The following IGSF5 variants were observed in gnomAD, a reference collection of about 807,000 sequenced individuals.
IGSF5 encodes immunoglobulin superfamily 5 like.
Under a neutral mutation model 39.4 loss-of-function variants are expected in IGSF5, and 41 were observed. The ratio of observed to expected loss-of-function variants is 1.04; its 90% CI spans 0.81 to 1.35. The LOEUF (loss-of-function observed/expected upper bound fraction) is 1.35, where lower values mean the gene tolerates loss of function less well. Among genes scored for constraint, IGSF5 ranks in the 40% most tolerant of loss-of-function variants. The pLI is 0.00. For missense variants in IGSF5, 487 were observed against 494.6 expected, an observed-to-expected ratio of 0.98 and a Z score of 0.15; for synonymous variants, 183 against 175.3, an observed-to-expected ratio of 1.04 and a Z score of -0.34.
intron 3 of IGSF5, among the ~76,000 whole-genome samples, chr21:39,766,889 T>C (rs1418376325): frequency 6.6e-6 from 1 of 152,200 alleles, no homozygotes; most frequent in East Asian, 1.9e-4. Flanking sequence ...AAAGATTTTG[T>C]TCATATTTAT....
the IGSF5 span, among the ~76,000 whole-genome samples, chr21:39,722,028 G>A: frequency 1.3e-5 from 2 of 152,230 alleles, no homozygotes; most frequent in Non-Finnish European, 2.9e-5. Context: ...CAATATGTGA[G>A]TGAGTAGGCA....
At chr21:39,736,703 G>A in the IGSF5 span, among the ~76,000 whole-genome samples, 2 of 152,208 alleles carry the variant, frequency 1.3e-5, no homozygotes, top group Non-Finnish European at 2.9e-5. Flanking sequence ...TGGAACTTCC[G>A]AGAGTGGCTA....
intron 2 of IGSF5, among the ~76,000 whole-genome samples, chr21:39,748,209 A>T (rs2079985107): frequency 6.9e-6 from 1 of 144,662 alleles, no homozygotes; most frequent in African/African-American, 2.5e-5. Flanking sequence ...CGTCTTGGTG[A>T]GGGCTCTCTT....
At chr21:39,723,550 T>G in the IGSF5 span, among the ~76,000 whole-genome samples, 2 of 152,192 alleles carry the variant, frequency 1.3e-5, no homozygotes, top group African/African-American at 4.8e-5. Context: ...TGAGACCATC[T>G]GAGAGTTTGC....
At chr21:39,783,177 A>G (rs1202648968) in intron 5 of IGSF5, among the ~76,000 whole-genome samples, 1 of 152,224 alleles carries the variant, frequency 6.6e-6, no homozygotes, top group Non-Finnish European at 1.5e-5. Context: ...TAGTGCTGCA[A>G]TAAATGTGGG....
At chr21:39,786,914 C>A (rs1467410512) in intron 5 of IGSF5, among the ~76,000 whole-genome samples, 1 of 151,386 alleles carries the variant, frequency 6.6e-6, no homozygotes, top group Non-Finnish European at 1.5e-5. Flanking sequence ...ACAATGAGAA[C>A]ACATGGATAC....
intron 4 of IGSF5, among the ~76,000 whole-genome samples, chr21:39,776,845 G>A (rs1205214584): frequency 6.6e-6 from 1 of 152,170 alleles, no homozygotes; most frequent in African/African-American, 2.4e-5. Flanking sequence ...CTTAAATCTT[G>A]AGCCAGACCT....
At chr21:39,783,483 C>T (rs1490640569) in intron 5 of IGSF5, among the ~76,000 whole-genome samples, 1 of 152,040 alleles carries the variant, frequency 6.6e-6, no homozygotes, top group Non-Finnish European at 1.5e-5. Flanking sequence ...AATGTTTTTT[C>T]ATACATTTGT....
chr21:39,739,090 T>C, the IGSF5 span, among the ~76,000 whole-genome samples: 121 of 152,176 alleles, frequency 8.0e-4, 2 homozygotes, highest in South Asian at 0.024. Flanking sequence ...CCGCCACGCC[T>C]GGCTAATTTT....
chr21:39,765,660 ATGG>A lies in IGSF5; in HGVS notation c.232_234del (p.Val78del). ...GCTCATCATGTGGGCTCTCAGTGACATGGTGGTGCTAAGCGTCAGGCCCATGGA... is the reference window on the plus strand; with the variant it reads ...GCTCATCATGTGGGCTCTCAGTGACATGGTGCTAAGCGTCAGGCCCATGGA... On this transcript the variant is annotated inframe_deletion, in exon 3 of 9. Coordinates refer to ENST00000380588, the MANE Select transcript of IGSF5 (RefSeq NM_001080444.2). 9 of 1,614,156 alleles carry A rather than the reference ATGG, an allele frequency of 5.6e-6. No homozygotes were observed. The highest frequency in any genetic ancestry group is 6.8e-6 in the Non-Finnish European group (8 of 1,180,028).
upstream of IGSF5, among the ~76,000 whole-genome samples, chr21:39,744,792 A>G (rs1267436838): frequency 2.6e-5 from 4 of 152,226 alleles, no homozygotes; most frequent in Non-Finnish European, 2.9e-5. Flanking sequence ...CTCACAGCGA[A>G]GTTTCCTCTA....
chr21:39,776,330 A>G (rs1232918325), intron 4 of IGSF5, among the ~76,000 whole-genome samples: 1 of 152,088 alleles, frequency 6.6e-6, no homozygotes, highest in Non-Finnish European at 1.5e-5. Context: ...TTTGAGCTCC[A>G]GTGGATTAAA....
chr21:39,715,892 T>TG, the IGSF5 span, among the ~76,000 whole-genome samples: 4 of 150,490 alleles, frequency 2.7e-5, no homozygotes, highest in Non-Finnish European at 5.9e-5. Context: ...TGGGTGTGTG[T>TG]GGGGGGGTGG....
intron 8 of IGSF5, among the ~76,000 whole-genome samples, chr21:39,799,157 A>G (rs979444383): frequency 2.0e-5 from 3 of 152,080 alleles, no homozygotes; most frequent in Non-Finnish European, 2.9e-5. Context: ...TCTCCTGCCA[A>G]TTTCTTCCCT....
At chr21:39,713,042 A>G in the IGSF5 span, among the ~76,000 whole-genome samples, 1 of 152,202 alleles carries the variant, frequency 6.6e-6, no homozygotes, top group Non-Finnish European at 1.5e-5. Context: ...GTGCAGGAAT[A>G]GTCCATTTTC....
At chr21:39,788,314 C>G (rs141389311) in intron 6 of IGSF5, 126 bp downstream of exon 6, 8 of 707,796 alleles carry the variant, frequency 1.1e-5, no homozygotes, top group Non-Finnish European at 1.7e-5. Flanking sequence ...AATTAAGTAC[C>G]AGAGGTAGAC....
rs546549750 is a variant in IGSF5, at chr21:39,779,110, A to G, written c.739A>G (p.Ile247Val). The change falls in exon 5 of 9, where the codon ATT becomes GTT. Residue 247 changes from isoleucine (I) to valine (V), a missense_variant. Transcript: ENST00000380588. ...TTTAGACACTGGAGGTGGTATTAAT[A>G]TTCCAGGTGTATTATCAAGTTTACC... Reference protein sequence around the residue: ...CPQDTGGGINIPGVLSSLPSL... With the variant: ...CPQDTGGGINVPGVLSSLPSL... 2 of 1,613,040 alleles carry G rather than the reference A, an allele frequency of 1.2e-6. No individual in the cohort carries two copies. The highest frequency in any genetic ancestry group is 2.2e-5 in the East Asian group (1 of 44,864).
Position 39,788,161 on chromosome 21 carries a change from T to C in IGSF5, c.935-6T>C, listed in dbSNP as rs2086935158. 1.9e-6 allele frequency: 3 copies of C among 1,591,546 alleles called. No homozygotes were observed. The highest frequency in any genetic ancestry group is 2.6e-6 in the Non-Finnish European group (3 of 1,163,610). On this transcript the variant is annotated splice_region_variant and splice_polypyrimidine_tract_variant and intron_variant, in intron 5 of 8. Transcript: ENST00000380588. ...TTTTCCAATGTAATTTTGTTCTTTTTTGCAGGATTTCGTATTCAATTTCAA... is the reference window on the plus strand; with the variant it reads ...TTTTCCAATGTAATTTTGTTCTTTTCTGCAGGATTTCGTATTCAATTTCAA...
intron 2 of IGSF5, 35 bp downstream of exon 2, chr21:39,746,333 C>A (rs374575517): frequency 1.4e-6 from 1 of 699,392 alleles, no homozygotes; most frequent in Non-Finnish European, 2.6e-6. Flanking sequence ...GTAACAAACA[C>A]GGACCAGAAG....
Sources: gnomAD v4.1 joint callset for allele counts (sites outside exome capture counted in the v4.1 genomes callset) on GRCh38, gnomAD v4.1.1 for gene constraint, MANE v1.5 for transcripts, NCBI Gene and HGNC (gene_info 2026-07-23, HGNC 2026-07-21) for gene names.